The following PAFAH1B1 variants were observed in gnomAD, a reference collection of about 807,000 sequenced individuals.
The protein encoded by PAFAH1B1 is platelet-activating factor acetylhydrolase IB subunit beta.
PAFAH1B1 carries 2 observed loss-of-function variants against 57.5 expected under a neutral mutation model. The observed-to-expected ratio is 0.03, with a 90% CI of 0.01 to 0.11. The LOEUF is 0.11. Among genes scored for constraint, PAFAH1B1 ranks in the 10% least tolerant of loss-of-function variants. PAFAH1B1 has a pLI of 1.00. For synonymous variants in PAFAH1B1, 152 were observed against 169.6 expected (o/e 0.90, Z 0.81); for missense variants, 257 against 512.0 (o/e 0.50, Z 4.81).
intron 4 of PAFAH1B1, 47 bp from the exon 5 acceptor site, chr17:2,666,945 A>G (rs757890813): frequency 4.2e-6 from 6 of 1,445,632 alleles, no homozygotes; most frequent in Non-Finnish European, 2.9e-6. Context: ...GTCACATGCT[A>G]TTTTTATTGA....
chr17:2,623,383 C>G (rs748784507), intron 1 of PAFAH1B1, among the ~76,000 whole-genome samples: 1 of 149,904 alleles, frequency 6.7e-6, no homozygotes, highest in Admixed American at 6.7e-5. Context: ...CTCAGCCTCC[C>G]GAGTAGCTGG....
intron 2 of PAFAH1B1, among the ~76,000 whole-genome samples, chr17:2,658,478 A>G (rs2068967782): frequency 6.6e-6 from 1 of 152,206 alleles, no homozygotes; most frequent in African/African-American, 2.4e-5. Context: ...TGCTTTTTAA[A>G]AAGTGCAGTG....
intron 2 of PAFAH1B1, among the ~76,000 whole-genome samples, chr17:2,660,951 G>A (rs1190422908): frequency 2.6e-5 from 4 of 152,156 alleles, no homozygotes; most frequent in Admixed American, 2.6e-4. Flanking sequence ...ATTCTGACTG[G>A]TGTGAGATAG....
At position 2,638,186 on chromosome 17, in the gene PAFAH1B1, T is replaced by C. The variant is rs533089397; in HGVS notation, c.-103T>C. The stretch of plus-strand genomic sequence containing the variant: ...TCATTTTCCCCTGTGTGGAAGACAC[T>C]TAGTGGCATATTTAAATTATAAGTC... On this transcript the variant is annotated 5_prime_UTR_variant, in exon 2 of 11. Coordinates refer to ENST00000397195, the MANE Select transcript of PAFAH1B1 (RefSeq NM_000430.4). 3.8e-4 allele frequency: 319 copies of C among 841,680 alleles called. 2 individuals are homozygous for C. Among genetic ancestry groups the C allele is most frequent in the South Asian group, 3.5e-3 (234 of 67,766 alleles). 52.1% of individuals were successfully genotyped at this position (841,680 alleles called of 1,614,324 possible).
At chr17:2,666,257 T>C (rs1222255103) in intron 4 of PAFAH1B1, among the ~76,000 whole-genome samples, 167 bp downstream of exon 4, 4 of 152,210 alleles carry the variant, frequency 2.6e-5, no homozygotes, top group Non-Finnish European at 5.9e-5. Context: ...TTATTGCAGA[T>C]ACATGGTAAT....
intron 1 of PAFAH1B1, among the ~76,000 whole-genome samples, chr17:2,621,578 G>A (rs1452604319): frequency 2.1e-5 from 3 of 142,260 alleles, no homozygotes; most frequent in Non-Finnish European, 3.0e-5. Context: ...TATATAATAC[G>A]TGCTATTCAA....
chr17:2,652,859 G>C (rs2068882605), intron 2 of PAFAH1B1, among the ~76,000 whole-genome samples: 1 of 152,280 alleles, frequency 6.6e-6, no homozygotes, highest in South Asian at 2.1e-4. Flanking sequence ...AGTCAGTGTG[G>C]CGATTCCTCA....
intron 2 of PAFAH1B1, 42 bp downstream of exon 2, chr17:2,638,362 TGAGA>T (rs753480191): frequency 1.5e-5 from 24 of 1,550,404 alleles, no homozygotes; most frequent in Non-Finnish European, 1.7e-5. Context: ...ATCTCCCTCA[TGAGA>T]GAGAAAGTAG....
intron 1 of PAFAH1B1, among the ~76,000 whole-genome samples, chr17:2,615,622 G>A (rs2068329891): frequency 6.6e-6 from 1 of 151,908 alleles, no homozygotes; most frequent in Non-Finnish European, 1.5e-5. Flanking sequence ...TCTATTTTTA[G>A]TAGAGACAGG....
intron 1 of PAFAH1B1, among the ~76,000 whole-genome samples, chr17:2,612,950 G>A (rs933827953): frequency 6.8e-6 from 1 of 146,298 alleles, no homozygotes; most frequent in East Asian, 2.0e-4. Flanking sequence ...AATGTTTGTT[G>A]TTTGTTTTTT....
At chr17:2,627,040 G>A (rs371728230) in intron 1 of PAFAH1B1, among the ~76,000 whole-genome samples, 11 of 152,130 alleles carry the variant, frequency 7.2e-5, no homozygotes, top group African/African-American at 2.7e-4. Context: ...CACCCTGTGG[G>A]TTGTCTGTTT....
At chr17:2,634,518 C>T (rs2068597274) in intron 1 of PAFAH1B1, among the ~76,000 whole-genome samples, 1 of 152,168 alleles carries the variant, frequency 6.6e-6, no homozygotes, top group African/African-American at 2.4e-5. Flanking sequence ...AGTCACTAGT[C>T]CTGTAAGATA....
chr17:2,612,486 G>A (rs1303444693), intron 1 of PAFAH1B1, among the ~76,000 whole-genome samples: 1 of 152,114 alleles, frequency 6.6e-6, no homozygotes, highest in Non-Finnish European at 1.5e-5. Context: ...GGGATTAAAG[G>A]TGTGAGCCAC....
chr17:2,607,862 A>G (rs758784266), intron 1 of PAFAH1B1, among the ~76,000 whole-genome samples: 1 of 152,082 alleles, frequency 6.6e-6, no homozygotes. Flanking sequence ...TAAATGTTGT[A>G]TATAGCCCTT....
chr17:2,620,158 T>C (rs909559961), intron 1 of PAFAH1B1, among the ~76,000 whole-genome samples: 2 of 152,156 alleles, frequency 1.3e-5, no homozygotes, highest in Non-Finnish European at 2.9e-5. Flanking sequence ...TAATCTCTTA[T>C]TTTGATTAAA....
intron 1 of PAFAH1B1, among the ~76,000 whole-genome samples, chr17:2,594,788 GTCTAA>G (rs2068066801): frequency 1.3e-5 from 2 of 152,172 alleles, no homozygotes; most frequent in South Asian, 4.1e-4. Flanking sequence ...ATTCCCCTTC[GTCTAA>G]TCTCATCTCC....
rs1395509666 is a variant in PAFAH1B1 at position 2,683,388 on chromosome 17, G to A, written c.*1586G>A. 1 of 152,168 alleles carries A rather than the reference G, an allele frequency of 6.6e-6. No individual in the cohort carries two copies. Among genetic ancestry groups the A allele is most frequent in the Admixed American group, 6.5e-5 (1 of 15,268 alleles). The allele number at this position is 152,168 out of a possible 1,614,324, so 9.4% of individuals were successfully genotyped here. ...GACAGTTTAACAAAGATAAAATTCTGAACTGCGTTTTATTCATTTGTGTAC... is the reference window on the plus strand; with the variant it reads ...GACAGTTTAACAAAGATAAAATTCTAAACTGCGTTTTATTCATTTGTGTAC... On this transcript the variant is annotated 3_prime_UTR_variant, in exon 11 of 11. Coordinates refer to ENST00000397195, the MANE Select transcript of PAFAH1B1 (RefSeq NM_000430.4).
intron 1 of PAFAH1B1, among the ~76,000 whole-genome samples, chr17:2,625,023 ATT>A (rs57933573): frequency 7.0e-6 from 1 of 143,168 alleles, no homozygotes. Context: ...TATACTTTCT[ATT>A]TTTTTTTTTT....
At chr17:2,648,966 A>G (rs1344015991) in intron 2 of PAFAH1B1, among the ~76,000 whole-genome samples, 3 of 152,116 alleles carry the variant, frequency 2.0e-5, no homozygotes, top group Non-Finnish European at 2.9e-5. Flanking sequence ...AACAGAAAGA[A>G]TTAGAACTAT....
Sources: gnomAD v4.1 joint callset for allele counts (sites outside exome capture counted in the v4.1 genomes callset) on GRCh38, gnomAD v4.1.1 for gene constraint, MANE v1.5 for transcripts, NCBI Gene and HGNC (gene_info 2026-07-23, HGNC 2026-07-21) for gene names.